Variants in SPTBN1 observed in about 807,000 individuals in gnomAD.
SPTBN1 encodes the protein spectrin beta chain, non-erythrocytic 1.
A neutral mutation model predicts 266.4 loss-of-function variants in SPTBN1; 32 were observed. That is an observed-to-expected ratio of 0.12 (90% confidence interval 0.09 to 0.16). The LOEUF is 0.16. Among genes scored for constraint, SPTBN1 ranks in the 10% least tolerant of loss-of-function variants. SPTBN1 has a pLI of 1.00. For missense variants in SPTBN1, 2,296 were observed against 3,067.1 expected, an observed-to-expected ratio of 0.75 and a Z score of 5.94; for synonymous variants, 1,336 against 1,162.2, an observed-to-expected ratio of 1.15 and a Z score of -3.04.
chr2:54,643,548 C>A lies in SPTBN1; in HGVS notation c.4005+419C>A, dbSNP rs1465498474. 3.9e-5 allele frequency among the ~76,000 whole-genome samples: 6 copies of A among 152,164 alleles called. No homozygotes were observed. The South Asian group carries it at 1.2e-3, about 32-fold the overall frequency. Reference sequence around the variant, plus strand: ...TCCTATGAGACTACTGTATACCAGGCGCTATAATAATTACTATGATGTGTT... The same window carrying A: ...TCCTATGAGACTACTGTATACCAGGAGCTATAATAATTACTATGATGTGTT... On this transcript the variant is annotated intron_variant, in intron 19 of 35. Coordinates refer to ENST00000356805, the MANE Select transcript of SPTBN1 (RefSeq NM_003128.3).
chr2:54,617,280 AG>A (rs1677670232), intron 5 of SPTBN1, among the ~76,000 whole-genome samples: 1 of 152,232 alleles, frequency 6.6e-6, no homozygotes, highest in Non-Finnish European at 1.5e-5. Context: ...TAGAGTAGAA[AG>A]CCAATGGAAG....
rs1480177923 is a variant in SPTBN1 at position 54,671,446 on chromosome 2, A to G, written c.*2877A>G. 6.6e-6 allele frequency: 1 copy of G among 152,162 alleles called. No individual in the cohort carries two copies. The highest frequency in any genetic ancestry group is 2.4e-5 in the African/African-American group (1 of 41,434). 9.4% of individuals were successfully genotyped at this position (152,162 alleles called of 1,614,324 possible). On this transcript the variant is annotated 3_prime_UTR_variant, in exon 36 of 36. Coordinates refer to ENST00000356805, the MANE Select transcript of SPTBN1 (RefSeq NM_003128.3). ...CTTAAATAAAGACATACTTCCCTTCATGTAGTGGTGCAGTCCATGTAGAAA... is the reference window on the plus strand; with the variant it reads ...CTTAAATAAAGACATACTTCCCTTCGTGTAGTGGTGCAGTCCATGTAGAAA...
intron 18 of SPTBN1, among the ~76,000 whole-genome samples, chr2:54,639,917 T>C (rs1325122815): frequency 6.6e-6 from 1 of 152,176 alleles, no homozygotes; most frequent in Non-Finnish European, 1.5e-5. Context: ...GAAATCATCC[T>C]GGTTTATCCT....
At chr2:54,603,768 C>A (rs1009390196) in intron 3 of SPTBN1, among the ~76,000 whole-genome samples, 1 of 152,166 alleles carries the variant, frequency 6.6e-6, no homozygotes, top group Non-Finnish European at 1.5e-5. Context: ...TCCCATCCTA[C>A]CCTATGTATT....
At chr2:54,510,807 C>T (rs771479969) in intron 1 of SPTBN1, among the ~76,000 whole-genome samples, 1 of 152,164 alleles carries the variant, frequency 6.6e-6, no homozygotes, top group African/African-American at 2.4e-5. Flanking sequence ...ATCTTTTCTT[C>T]TAAGTTTTTT....
Position 54,493,739 on chromosome 2 carries a change from G to T in SPTBN1, c.-47-32633G>T, listed in dbSNP as rs78159492. 5.8e-3 allele frequency among the ~76,000 whole-genome samples: 888 copies of T among 152,294 alleles called. 13 individuals are homozygous for T. The highest frequency in any genetic ancestry group is 0.02 in the African/African-American group (839 of 41,568). On this transcript the variant is annotated intron_variant, in intron 1 of 35. Transcript: ENST00000356805. ...GTTCTGAATTTAGGTTAAAATTGAAGAAGAGGGTCCAAGACTAAGTGCCAA... is the reference window on the plus strand; with the variant it reads ...GTTCTGAATTTAGGTTAAAATTGAATAAGAGGGTCCAAGACTAAGTGCCAA...
chr2:54,560,403 GT>G (rs1451419986), intron 2 of SPTBN1, among the ~76,000 whole-genome samples: 2 of 152,122 alleles, frequency 1.3e-5, no homozygotes, highest in Non-Finnish European at 2.9e-5. Flanking sequence ...AAAATAGAAG[GT>G]GTGAGGGAGG....
At chr2:54,598,265 A>G (rs73934499) in intron 2 of SPTBN1, among the ~76,000 whole-genome samples, 1,538 of 152,340 alleles carry the variant, frequency 0.01, 33 homozygotes, top group African/African-American at 0.035. Flanking sequence ...GCTTTAGACC[A>G]TAAATCAGCA....
chr2:54,658,091 C>G, intron 30 of SPTBN1, 45 bp downstream of exon 30: 1 of 1,607,366 alleles, frequency 6.2e-7, no homozygotes, highest in Non-Finnish European at 8.5e-7. Flanking sequence ...CCTGGGCAGC[C>G]TTTTCTTCCT....
chr2:54,576,509 C>T (rs958652036), intron 2 of SPTBN1, among the ~76,000 whole-genome samples: 3 of 152,048 alleles, frequency 2.0e-5, no homozygotes, highest in Non-Finnish European at 2.9e-5. Context: ...CTTTCTAGAA[C>T]TTGTACTCAA....
Position 54,558,588 on chromosome 2 carries a change from T to G in SPTBN1, c.148+32022T>G. 1 of 1,377,538 alleles carries G rather than the reference T, an allele frequency of 7.3e-7. No homozygotes were observed. Among genetic ancestry groups the G allele is most frequent in the African/African-American group, 1.5e-5 (1 of 66,926 alleles). 85.3% of individuals were successfully genotyped at this position (1,377,538 alleles called of 1,614,324 possible). A position where few individuals can be genotyped will look rare whatever the true frequency, so the allele number is the denominator to read the frequency against. Reference sequence around the variant, plus strand: ...AGAAATTAGATGCCTGTGTGGTAACTCCTCGCGGAGCTAAGGTGGACTCTC... The same window carrying G: ...AGAAATTAGATGCCTGTGTGGTAACGCCTCGCGGAGCTAAGGTGGACTCTC... On this transcript the variant is annotated intron_variant, in intron 2 of 35. Transcript: ENST00000356805. The surrounding 1 kb of genome is among the most constrained non-coding windows in gnomAD (Gnocchi z 4.6).
chr2:54,471,389 T>C (rs1331343578), intron 1 of SPTBN1, among the ~76,000 whole-genome samples: 1 of 152,146 alleles, frequency 6.6e-6, no homozygotes, highest in Non-Finnish European at 1.5e-5. Flanking sequence ...TCTCCCCAGG[T>C]TGAGCAGTTT....
intron 1 of SPTBN1, among the ~76,000 whole-genome samples, chr2:54,507,802 CTTTTTTT>C (rs35551436): frequency 7.2e-6 from 1 of 139,834 alleles, no homozygotes; most frequent in Non-Finnish European, 1.5e-5. Flanking sequence ...ATAGAGTCCC[CTTTTTTT>C]TTTTTTTAGC....
At position 54,670,955 on chromosome 2, in the gene SPTBN1, TTTG is replaced by T; in HGVS notation, c.*2389_*2391del. 1 of 397,170 alleles carries T rather than the reference TTTG, an allele frequency of 2.5e-6. No homozygotes were observed. The highest frequency in any genetic ancestry group is 2.1e-5 in the African/African-American group (1 of 48,560). 24.6% of individuals were successfully genotyped at this position (397,170 alleles called of 1,614,324 possible). On this transcript the variant is annotated 3_prime_UTR_variant, in exon 36 of 36. Transcript: ENST00000356805. Reference sequence around the variant, plus strand: ...GGCAGGGTAAATAGTTTTTGGGTTTTTTGTTTTTTTTTTATTCTTCCACTATCA... The same window carrying T: ...GGCAGGGTAAATAGTTTTTGGGTTTTTTTTTTTTTTATTCTTCCACTATCA...
Position 54,624,949 on chromosome 2 carries a change from G to A in SPTBN1, c.1328G>A (p.Arg443His), listed in dbSNP as rs772259760. 42 of 1,604,798 alleles carry A rather than the reference G, an allele frequency of 2.6e-5. No individual in the cohort carries two copies. The highest frequency in any genetic ancestry group is 1.7e-4 in the Middle Eastern group (1 of 6,038). Residue 443 changes from arginine to histidine, a missense_variant, in exon 11 of 36, where the codon CGT becomes CAT. Arg to His is a conservative substitution (Grantham distance 29, BLOSUM62 0). Around this residue, in one of 12 missense-constraint regions of SPTBN1, gnomAD observed 148 missense variants for 203.8 expected, o/e 0.73. Transcript: ENST00000356805. ...GAGACTTGGCTGAGCGAAAACCAGC[G>A]TCTGGTGTCTCAGGTTCTGCTCTTG... ...MRETWLSENQ[R>H]LVSQDNFGFD...
In SPTBN1 at chr2:54,662,162, G is replaced by C. The variant is rs573431885; in HGVS notation, c.6420+2163G>C. ...ACTAATCGCTAAAGAGAAGCAACGTGGGGGGTGGGGTTGCGAGGGATGTGT... is the reference window on the plus strand; with the variant it reads ...ACTAATCGCTAAAGAGAAGCAACGTCGGGGGTGGGGTTGCGAGGGATGTGT... On this transcript the variant is annotated intron_variant, in intron 32 of 35. Coordinates refer to ENST00000356805, the MANE Select transcript of SPTBN1 (RefSeq NM_003128.3). The C allele has an allele frequency of 4.2e-5, 41 of 985,216 alleles. No individual in the cohort carries two copies. In the African/African-American group the frequency reaches 5.8e-4, roughly 14 times the overall value. 61.0% of individuals were successfully genotyped at this position (985,216 alleles called of 1,614,324 possible).
In SPTBN1 at chr2:54,659,969, C is replaced by A. The variant is rs145150707; in HGVS notation, c.6390C>A (p.Asn2130Lys). The stretch of plus-strand genomic sequence containing the variant: ...CAAAAGGAGAACAAGTTTCCCAAAA[C>A]GGTTTGCCAGCTGAACAGGGATCTC... The part of the protein sequence containing the change: ...DTSKGEQVSQ[N>K]GLPAEQGSPR... The change falls in exon 32 of 36, where the codon AAC (asparagine) becomes AAA (lysine). Residue 2130 changes from asparagine (N) to lysine (K), a missense_variant. Asn to Lys is a moderately conservative substitution (Grantham distance 94, BLOSUM62 0). Transcript: ENST00000356805. 8 of 1,614,144 alleles carry A rather than the reference C, an allele frequency of 5.0e-6. No homozygotes were observed. Among genetic ancestry groups the A allele is most frequent in the Non-Finnish European group, 6.8e-6 (8 of 1,180,034 alleles).
chr2:54,594,219 G>A (rs575202862), intron 2 of SPTBN1, among the ~76,000 whole-genome samples: 1 of 148,594 alleles, frequency 6.7e-6, no homozygotes, highest in South Asian at 2.1e-4. Flanking sequence ...AGAGTTGCTG[G>A]CTCCTGCCTC....
At chr2:54,500,558 T>C (rs1183629747) in intron 1 of SPTBN1, among the ~76,000 whole-genome samples, 1 of 152,200 alleles carries the variant, frequency 6.6e-6, no homozygotes, top group East Asian at 1.9e-4. Flanking sequence ...TGTTTTGTTT[T>C]GTTTTGAGAC....
Sources: allele counts gnomAD v4.1 joint callset (sites outside exome capture counted in the v4.1 genomes callset), GRCh38; gene constraint gnomAD v4.1.1; regional missense constraint gnomAD v4.1.1; non-coding constraint Gnocchi (gnomAD v3.1); transcripts MANE v1.5; gene names NCBI Gene and HGNC (gene_info 2026-07-23, HGNC 2026-07-21).